ABCC1: variants seen among roughly 807,000 people sequenced by gnomAD.
ABCC1 encodes multidrug resistance-associated protein 1.
Under a neutral mutation model 172.9 loss-of-function variants are expected in ABCC1, and 83 were observed. The ratio of observed to expected loss-of-function variants is 0.48; its 90% CI spans 0.40 to 0.58. The LOEUF (loss-of-function observed/expected upper bound fraction) is 0.58, where lower values mean the gene tolerates loss of function less well. Ranked by LOEUF, ABCC1 falls within the 20% of genes least tolerant of loss-of-function variation. ABCC1 has a pLI of 0.00. For missense variants in ABCC1, 1,817 were observed against 2,002.7 expected (o/e 0.91, Z 1.77); for synonymous variants, 937 against 825.2 (o/e 1.14, Z -2.32).
At position 16,074,086 on chromosome 16, in the gene ABCC1, G is replaced by A. The variant is rs562858927; in HGVS notation, c.1913-2240G>A. 7.2e-5 allele frequency among the ~76,000 whole-genome samples: 11 copies of A among 152,270 alleles called. 1 individual carries two copies. The highest frequency in any genetic ancestry group is 4.1e-4 in the South Asian group (2 of 4,820). On this transcript the variant is annotated intron_variant, in intron 14 of 30. Coordinates refer to ENST00000399410, the MANE Select transcript of ABCC1 (RefSeq NM_004996.4). ...CTTCAGCTCAGCCCCCTGGTGTGGGGTTTTTTATCCTGGGCGCTACTGACA... is the reference window on the plus strand; with the variant it reads ...CTTCAGCTCAGCCCCCTGGTGTGGGATTTTTTATCCTGGGCGCTACTGACA...
intron 5 of ABCC1, among the ~76,000 whole-genome samples, chr16:16,023,160 C>G (rs909615971): frequency 6.6e-6 from 1 of 152,192 alleles, no homozygotes; most frequent in Non-Finnish European, 1.5e-5. Flanking sequence ...GCCATCCTCC[C>G]ACCTCAGCCT....
At chr16:16,068,336 G>T in intron 13 of ABCC1, 34 bp downstream of exon 13, 1 of 1,610,700 alleles carries the variant, frequency 6.2e-7, no homozygotes, top group Non-Finnish European at 8.5e-7. Flanking sequence ...TTCCGAGAGG[G>T]GGCCTTGGGG....
At chr16:15,961,252 C>G (rs773741383) in intron 1 of ABCC1, among the ~76,000 whole-genome samples, 1 of 152,172 alleles carries the variant, frequency 6.6e-6, no homozygotes, top group Non-Finnish European at 1.5e-5. Context: ...GGTTTCCCCA[C>G]TCCCCAGTTG....
intron 1 of ABCC1, among the ~76,000 whole-genome samples, chr16:15,981,363 G>A (rs215055): frequency 0.61 from 93,302 of 152,120 alleles, 30,002 homozygotes; most frequent in South Asian, 0.73. Flanking sequence ...TCTCCATGAG[G>A]GCTCCACTGC....
At chr16:15,967,734 T>C (rs1160025844) in intron 1 of ABCC1, among the ~76,000 whole-genome samples, 4 of 144,622 alleles carry the variant, frequency 2.8e-5, no homozygotes, top group African/African-American at 1.0e-4. Context: ...CACTCCAGCC[T>C]GGACAACAGC....
At chr16:16,124,578 T>C (rs1362973283) in intron 24 of ABCC1, among the ~76,000 whole-genome samples, 1 of 152,226 alleles carries the variant, frequency 6.6e-6, no homozygotes, top group African/African-American at 2.4e-5. Context: ...GCCAGATTAA[T>C]GAGGATTTAC....
intron 1 of ABCC1, among the ~76,000 whole-genome samples, chr16:15,990,884 C>T (rs1026679396): frequency 4.1e-5 from 6 of 146,210 alleles, no homozygotes; most frequent in African/African-American, 1.3e-4. Flanking sequence ...AGGTTGGTCT[C>T]GACCTCCTGA....
intron 23 of ABCC1, among the ~76,000 whole-genome samples, chr16:16,118,536 G>C (rs979194066): frequency 6.7e-6 from 1 of 149,452 alleles, no homozygotes; most frequent in African/African-American, 2.5e-5. Flanking sequence ...GCCAAATGCA[G>C]TGTTGAAGGC....
intron 1 of ABCC1, among the ~76,000 whole-genome samples, chr16:15,982,803 CAAAAAAAAAA>C (rs148834444): frequency 2.3e-5 from 1 of 43,212 alleles, no homozygotes; most frequent in Non-Finnish European, 4.3e-5. Flanking sequence ...GAGACGCTGT[CAAAAAAAAAA>C]AAAAAAAAAA....
At position 16,033,176 on chromosome 16, in the gene ABCC1, G is replaced by T; in HGVS notation, c.677+6G>T. The T allele has an allele frequency of 6.2e-7, 1 of 1,613,828 alleles. No individual in the cohort carries two copies. On this transcript the variant is annotated splice_donor_region_variant and intron_variant, in intron 6 of 30. Coordinates refer to ENST00000399410, the MANE Select transcript of ABCC1 (RefSeq NM_004996.4). The stretch of plus-strand genomic sequence containing the variant: ...ACCTTCTGGTGGATCACAGGGTAAG[G>T]CCAGGCCCCCCAGACCTCAGGGAGG...
At chr16:16,043,841 A>ATCCAGCCACCTTGGCCTCCCAAAGTGC (rs1409373657) in intron 7 of ABCC1, among the ~76,000 whole-genome samples, 1 of 152,194 alleles carries the variant, frequency 6.6e-6, no homozygotes, top group Non-Finnish European at 1.5e-5. Flanking sequence ...ACCCCAAGTG[A>ATCCAGCCACCTTGGCCTCCCAAAGTGC]TCCAGCCACC....
chr16:16,122,323 G>A (rs1233915401), intron 24 of ABCC1, 149 bp downstream of exon 24: 25 of 820,216 alleles, frequency 3.0e-5, no homozygotes, highest in Non-Finnish European at 4.5e-5. Context: ...GAGCGCGGAG[G>A]ACAGATGAAT....
intron 17 of ABCC1, among the ~76,000 whole-genome samples, chr16:16,086,201 C>T (rs2050999649): frequency 6.6e-6 from 1 of 152,224 alleles, no homozygotes; most frequent in African/African-American, 2.4e-5. Context: ...TTGCTGAGCA[C>T]TTGCTGTGCA....
rs1357970191 is a variant in ABCC1 at position 16,141,352 on chromosome 16, C to T, written c.*71C>T. The stretch of plus-strand genomic sequence containing the variant: ...CAGCGCCCAGGGAGGAGTCAGTACC[C>T]CTGGTAAACCAAGCCTCCCACACTG... On this transcript the variant is annotated 3_prime_UTR_variant, in exon 31 of 31. Coordinates refer to ENST00000399410, the MANE Select transcript of ABCC1 (RefSeq NM_004996.4). The T allele has an allele frequency of 2.1e-6, 3 of 1,414,056 alleles. No homozygotes were observed. 87.6% of individuals were successfully genotyped at this position (1,414,056 alleles called of 1,614,324 possible).
At chr16:15,958,198 C>T (rs1399730449) in intron 1 of ABCC1, among the ~76,000 whole-genome samples, 3 of 152,132 alleles carry the variant, frequency 2.0e-5, no homozygotes, top group Non-Finnish European at 2.9e-5. Context: ...CTCTGCCTCC[C>T]GGGTTCCAGT....
At chr16:16,038,427 C>A (rs967143965) in intron 7 of ABCC1, among the ~76,000 whole-genome samples, 1 of 152,150 alleles carries the variant, frequency 6.6e-6, no homozygotes, top group African/African-American at 2.4e-5. Context: ...GGCCAGAAAT[C>A]CTGGAGTTCT....
intron 22 of ABCC1, among the ~76,000 whole-genome samples, chr16:16,114,065 C>T (rs1435765201): frequency 3.9e-5 from 6 of 152,140 alleles, no homozygotes; most frequent in African/African-American, 9.7e-5. Flanking sequence ...TCTGTGGCCC[C>T]GGGGTTGGGG....
intron 12 of ABCC1, among the ~76,000 whole-genome samples, chr16:16,067,061 G>T (rs1303971651): frequency 6.6e-6 from 1 of 151,702 alleles, no homozygotes; most frequent in African/African-American, 2.4e-5. Context: ...GAACAGCCTA[G>T]GAAGCATAGG....
chr16:15,950,432 C>T (rs1023570822), intron 1 of ABCC1, among the ~76,000 whole-genome samples: 3 of 152,146 alleles, frequency 2.0e-5, no homozygotes, highest in Admixed American at 6.5e-5. Flanking sequence ...CTACCTGACC[C>T]TCGGCTCGGG....
Sources: gnomAD v4.1 joint callset for allele counts (sites outside exome capture counted in the v4.1 genomes callset) on GRCh38, gnomAD v4.1.1 for gene constraint, MANE v1.5 for transcripts, NCBI Gene and HGNC (gene_info 2026-07-23, HGNC 2026-07-21) for gene names.